The following CSMD1 variants were observed in gnomAD, a reference collection of about 807,000 sequenced individuals.
CSMD1 encodes CUB and Sushi multiple domains 1.
Under a neutral mutation model 417.5 loss-of-function variants are expected in CSMD1, and 213 were observed. The ratio of observed to expected loss-of-function variants is 0.51; its 90% CI spans 0.46 to 0.57. The LOEUF is 0.57. CSMD1 is among the 20% of genes least tolerant of loss of function. The pLI, the probability that CSMD1 is intolerant of heterozygous loss-of-function variation, is 0.00. For missense variants in CSMD1, 6,923 were observed against 4,529.7 expected, an observed-to-expected ratio of 1.53 and a Z score of -15.17; for synonymous variants, 2,862 against 1,736.8, an observed-to-expected ratio of 1.65 and a Z score of -16.11.
At chr8:4,895,662 T>G (rs1481626303) in intron 1 of CSMD1, among the ~76,000 whole-genome samples, 1 of 152,036 alleles carries the variant, frequency 6.6e-6, no homozygotes, top group African/African-American at 2.4e-5. Flanking sequence ...GGCTCCTTTT[T>G]CCAAATTGCT....
intron 10 of CSMD1, among the ~76,000 whole-genome samples, chr8:3,498,480 G>C (rs1796458613): frequency 6.6e-6 from 1 of 152,176 alleles, no homozygotes; most frequent in South Asian, 2.1e-4. Flanking sequence ...TCTTTGGAGA[G>C]CATCTTTGGC....
intron 1 of CSMD1, among the ~76,000 whole-genome samples, chr8:4,935,182 T>C (rs764160289): frequency 1.1e-4 from 16 of 152,366 alleles, no homozygotes; most frequent in Non-Finnish European, 1.9e-4. Flanking sequence ...AGATGGGCCA[T>C]GCTGTTTCAC....
At chr8:4,244,220 C>T (rs1404272707) in intron 3 of CSMD1, among the ~76,000 whole-genome samples, 2 of 152,138 alleles carry the variant, frequency 1.3e-5, no homozygotes, top group Non-Finnish European at 2.9e-5. Flanking sequence ...GCAGCAGCAA[C>T]AGTAACAGCT....
intron 3 of CSMD1, among the ~76,000 whole-genome samples, chr8:4,069,273 G>T (rs575469142): frequency 1.3e-5 from 2 of 152,274 alleles, no homozygotes; most frequent in African/African-American, 2.4e-5. Context: ...TGAATTCTTT[G>T]TCTAGTAGGA....
intron 10 of CSMD1, among the ~76,000 whole-genome samples, chr8:3,564,886 G>C (rs997887071): frequency 2.0e-5 from 3 of 151,922 alleles, no homozygotes; most frequent in African/African-American, 4.8e-5. Flanking sequence ...CATAGACAAT[G>C]AAATAGCTGG....
chr8:3,380,670 A>C (rs568436097), intron 18 of CSMD1, among the ~76,000 whole-genome samples: 1 of 152,288 alleles, frequency 6.6e-6, no homozygotes, highest in South Asian at 2.1e-4. Context: ...GTTCTCACTC[A>C]TAAGAGGGAG....
At chr8:4,605,810 G>A (rs150714945) in intron 2 of CSMD1, among the ~76,000 whole-genome samples, 18 of 152,142 alleles carry the variant, frequency 1.2e-4, no homozygotes, top group Non-Finnish European at 2.1e-4. Context: ...ACACTGGCAG[G>A]TGAAACTTGA....
At chr8:4,086,838 G>C (rs570183522) in intron 3 of CSMD1, among the ~76,000 whole-genome samples, 2 of 152,276 alleles carry the variant, frequency 1.3e-5, no homozygotes, top group South Asian at 2.1e-4. Context: ...ATGCATCCTT[G>C]TCAAATTTCA....
chr8:3,051,579 T>C (rs76477411), intron 50 of CSMD1, among the ~76,000 whole-genome samples: 2,439 of 152,290 alleles, frequency 0.016, 24 homozygotes, highest in East Asian at 0.032. Context: ...CTTGCACATG[T>C]ATCCCTGAAC....
chr8:3,465,400 C>T (rs993594723), intron 12 of CSMD1, among the ~76,000 whole-genome samples: 6 of 152,242 alleles, frequency 3.9e-5, no homozygotes, highest in East Asian at 1.9e-4. Context: ...CCCAAGCCTA[C>T]GAGCCCGGGA....
chr8:4,897,985 C>T (rs1169112639), intron 1 of CSMD1, among the ~76,000 whole-genome samples: 1 of 152,020 alleles, frequency 6.6e-6, no homozygotes, highest in Non-Finnish European at 1.5e-5. Context: ...TCCCGGGCTA[C>T]TTTCTTTTAG....
At chr8:3,803,281 A>T (rs1302432544) in intron 5 of CSMD1, among the ~76,000 whole-genome samples, 1 of 152,142 alleles carries the variant, frequency 6.6e-6, no homozygotes, top group Non-Finnish European at 1.5e-5. Flanking sequence ...TCATTGCATA[A>T]AGTTGACGGT....
intron 10 of CSMD1, among the ~76,000 whole-genome samples, chr8:3,561,991 G>A (rs1395681065): frequency 3.9e-5 from 6 of 152,096 alleles, no homozygotes; most frequent in African/African-American, 1.2e-4. Context: ...TATCTGCTAC[G>A]TCAGAAACTT....
chr8:4,695,739 A>C (rs2116788702), intron 1 of CSMD1, among the ~76,000 whole-genome samples: 1 of 152,292 alleles, frequency 6.6e-6, no homozygotes, highest in Non-Finnish European at 1.5e-5. Context: ...TTTATGTTCT[A>C]TGGGTTTAGA....
chr8:4,190,145 G>C (rs1418787206), intron 3 of CSMD1, among the ~76,000 whole-genome samples: 1 of 151,008 alleles, frequency 6.6e-6, no homozygotes, highest in East Asian at 2.0e-4. Context: ...TGTGGTCCCA[G>C]CTACTCAGGA....
Position 4,565,774 on chromosome 8 carries a change from A to G in CSMD1, c.302+71568T>C, listed in dbSNP as rs1251864559. 3.7e-3 allele frequency among the ~76,000 whole-genome samples: 129 copies of G among 35,334 alleles called. 1 individual carries two copies. Among genetic ancestry groups the G allele is most frequent in the South Asian group, 3.9e-3 (4 of 1,014 alleles). 23.2% of individuals were successfully genotyped at this position (35,334 alleles called of 152,430 possible). On this transcript the variant is annotated intron_variant, in intron 2 of 69. Transcript: ENST00000635120. Reference sequence around the variant, plus strand: ...CATATATATATATATATATATATATATATATATATATATATATATATATGT... The same window carrying G: ...CATATATATATATATATATATATATGTATATATATATATATATATATATGT...
At chr8:4,135,375 T>G (rs111546626) in intron 3 of CSMD1, among the ~76,000 whole-genome samples, 1,026 of 16,860 alleles carry the variant, frequency 0.061, 17 homozygotes, top group African/African-American at 0.15. Context: ...AAGGGGAAAG[T>G]GGGAAAGAGG....
At chr8:4,899,765 T>C (rs1361194948) in intron 1 of CSMD1, among the ~76,000 whole-genome samples, 1 of 152,188 alleles carries the variant, frequency 6.6e-6, no homozygotes, top group Non-Finnish European at 1.5e-5. Flanking sequence ...TAGAATGCAC[T>C]ATAACTTCAT....
In CSMD1 at chr8:4,780,691, T is replaced by C. The variant is rs1337618444; in HGVS notation, c.86-143133A>G. Among the ~76,000 whole-genome samples, 6 of 152,168 alleles carry C rather than the reference T, an allele frequency of 3.9e-5. No individual in the cohort carries two copies. In the East Asian group the frequency reaches 1.2e-3, roughly 29 times the overall value. On this transcript the variant is annotated intron_variant, in intron 1 of 69. Coordinates refer to ENST00000635120, the MANE Select transcript of CSMD1 (RefSeq NM_033225.6). ...CACCCGAGTGGTATACACTGCACCA[T>C]GTATGTTGTCTTTTATTTCTGACCC...
Sources: gnomAD v4.1 joint callset for allele counts (sites outside exome capture counted in the v4.1 genomes callset) on GRCh38, gnomAD v4.1.1 for gene constraint, MANE v1.5 for transcripts, NCBI Gene and HGNC (gene_info 2026-07-23, HGNC 2026-07-21) for gene names.